The following NSUN4 variants were observed in gnomAD, a reference collection of about 807,000 sequenced individuals.
NSUN4 encodes the protein 5-cytosine rRNA methyltransferase NSUN4.
In NSUN4, 31 loss-of-function variants were observed where a neutral mutation model predicts 43.8. The observed-to-expected ratio is 0.71, with a 90% CI of 0.53 to 0.96. The LOEUF is 0.96. Among genes scored for constraint, NSUN4 ranks in the 40% least tolerant of loss-of-function variants. The pLI is 0.00. For missense variants in NSUN4, 439 were observed against 475.6 expected (o/e 0.92, Z 0.72); for synonymous variants, 167 against 184.1 (o/e 0.91, Z 0.75).
downstream of NSUN4, among the ~76,000 whole-genome samples, chr1:46,367,989 T>G (rs1176051595): frequency 1.3e-5 from 2 of 152,098 alleles, no homozygotes; most frequent in African/African-American, 4.8e-5. Context: ...GGTCTTGAAC[T>G]CTTGAGCTCA....
rs996962319 is a variant in NSUN4, at chr1:46,361,797, T to A, written c.1106T>A (p.Met369Lys). ...QVGELVIPNL[M>K]ANFGPMYFCK... is the part of the protein sequence containing the mutation. ...GGGGAGCTGGTAATACCAAACCTCA[T>A]GGCCAATTTTGGCCCCATGTACTTC... The change falls in exon 6 of 6, where the codon ATG (methionine) becomes AAG (lysine). Residue 369 changes from methionine (M) to lysine (K), a missense_variant. Coordinates refer to ENST00000474844, the MANE Select transcript of NSUN4 (RefSeq NM_199044.4). 1.2e-6 allele frequency: 2 copies of A among 1,614,182 alleles called. No individual in the cohort carries two copies. Among genetic ancestry groups the A allele is most frequent in the East Asian group, 2.2e-5 (1 of 44,878 alleles).
At chr1:46,354,807 T>G (rs1220638765) in intron 4 of NSUN4, among the ~76,000 whole-genome samples, 5 of 152,086 alleles carry the variant, frequency 3.3e-5, no homozygotes, top group Admixed American at 3.3e-4. Context: ...GCAGCTGGGA[T>G]TACAGGTGTG....
chr1:46,351,570 C>G (rs1662982420), intron 3 of NSUN4, among the ~76,000 whole-genome samples: 1 of 148,802 alleles, frequency 6.7e-6, no homozygotes, highest in African/African-American at 2.5e-5. Context: ...CCACACCCAT[C>G]ATCCCAGCAC....
In NSUN4 at chr1:46,359,731, T is replaced by G. The variant is rs193300677; in HGVS notation, c.754-973T>G. 1.5e-3 allele frequency among the ~76,000 whole-genome samples: 215 copies of G among 148,270 alleles called. 2 individuals are homozygous for G. The East Asian group carries it at 0.041, about 28-fold the overall frequency. ...ATGCCTGGCTAGTTTTTAAATTTTTTGTAGCTGGGACTACAGGTGCATGCC... is the reference window on the plus strand; with the variant it reads ...ATGCCTGGCTAGTTTTTAAATTTTTGGTAGCTGGGACTACAGGTGCATGCC... On this transcript the variant is annotated intron_variant, in intron 4 of 5. Transcript: ENST00000474844.
In NSUN4 at chr1:46,361,955, C is replaced by G. The variant is rs551591666; in HGVS notation, c.*109C>G. ...GATGCACTCTCGGTCCTGTCTCCAT[C>G]CTGTTCGTGTCTTTCTGCAGTTTTC... is the stretch of plus-strand genomic sequence containing the variant. On this transcript the variant is annotated 3_prime_UTR_variant, in exon 6 of 6. Coordinates refer to ENST00000474844, the MANE Select transcript of NSUN4 (RefSeq NM_199044.4). 1 of 1,007,688 alleles carries G rather than the reference C, an allele frequency of 9.9e-7. No individual in the cohort carries two copies. Among genetic ancestry groups the G allele is most frequent in the African/African-American group, 1.6e-5 (1 of 61,894 alleles). 62.4% of individuals were successfully genotyped at this position (1,007,688 alleles called of 1,614,324 possible).
chr1:46,344,110 T>C (rs41294456), intron 1 of NSUN4: 47,928 of 217,984 alleles, frequency 0.22, 6,011 homozygotes, highest in Non-Finnish European at 0.27. Context: ...TCTGCCTCCT[T>C]GTTCTTGTCC....
At chr1:46,356,475 G>A (rs112124254) in intron 4 of NSUN4, among the ~76,000 whole-genome samples, 32,337 of 151,858 alleles carry the variant, frequency 0.21, 4,026 homozygotes, top group Non-Finnish European at 0.29. Context: ...GGCGGATCAC[G>A]AGGTCAGGAG....
chr1:46,345,138 C>T lies in NSUN4; in HGVS notation c.431C>T (p.Pro144Leu), dbSNP rs1187871967. ...AGAGGGGATATCAGTCGCTTCCCTCCTGCCAGGTAGGATCTGGAGCCATGA... is the reference window on the plus strand; with the variant it reads ...AGAGGGGATATCAGTCGCTTCCCTCTTGCCAGGTAGGATCTGGAGCCATGA... ...FDRGDISRFPPARPGSLGVME... is the reference protein window; with the variant it reads ...FDRGDISRFPLARPGSLGVME... Residue 144 changes from proline (P) to leucine (L), a missense_variant, in exon 2 of 6, where the codon CCT becomes CTT. Coordinates refer to ENST00000474844, the MANE Select transcript of NSUN4 (RefSeq NM_199044.4). The T allele has an allele frequency of 2.5e-6, 4 of 1,600,234 alleles. No homozygotes were observed. In the Admixed American group the frequency reaches 6.7e-5, roughly 27 times the overall value.
chr1:46,374,103 A>G, the NSUN4 span, among the ~76,000 whole-genome samples: 1 of 152,010 alleles, frequency 6.6e-6, no homozygotes, highest in Non-Finnish European at 1.5e-5. Flanking sequence ...CTTGCGCAAC[A>G]CGGTGAAACC....
At chr1:46,341,930 C>T (rs1033644267) in intron 1 of NSUN4, 8 of 1,232,884 alleles carry the variant, frequency 6.5e-6, no homozygotes, top group African/African-American at 1.6e-5. Flanking sequence ...CTTTTGGAAC[C>T]AGCCCGGCAA....
the NSUN4 span, among the ~76,000 whole-genome samples, chr1:46,371,227 A>G: frequency 6.7e-6 from 1 of 150,004 alleles, no homozygotes; most frequent in African/African-American, 2.5e-5. Flanking sequence ...TCCCAGGTTC[A>G]AGCAATTATC....
In NSUN4 at chr1:46,363,434, T is replaced by C. The variant is rs1043295989; in HGVS notation, c.*1588T>C. On this transcript the variant is annotated 3_prime_UTR_variant, in exon 6 of 6. Transcript: ENST00000474844. The stretch of plus-strand genomic sequence containing the variant: ...TCCTGGATATCCAGCCTAGTGCTAA[T>C]TGAATGCTAAGCAGTGGTAATTCAA... The C allele has an allele frequency of 6.6e-6, 1 of 152,258 alleles. No homozygotes were observed. The highest frequency in any genetic ancestry group is 2.4e-5 in the African/African-American group (1 of 41,466). The allele number at this position is 152,258 out of a possible 1,614,324, so 9.4% of individuals were successfully genotyped here.
chr1:46,350,861 G>C (rs1298997988), intron 3 of NSUN4, among the ~76,000 whole-genome samples: 1 of 152,166 alleles, frequency 6.6e-6, no homozygotes, highest in African/African-American at 2.4e-5. Context: ...AACTAGTAAA[G>C]CTCTAAGGCA....
intron 4 of NSUN4, among the ~76,000 whole-genome samples, chr1:46,356,064 T>C (rs1324022501): frequency 1.3e-5 from 2 of 151,736 alleles, no homozygotes; most frequent in Non-Finnish European, 2.9e-5. Flanking sequence ...GGTAGGCAAG[T>C]GTTAAGCACT....
At chr1:46,344,277 G>C in intron 1 of NSUN4, 1 of 159,110 alleles carries the variant, frequency 6.3e-6, no homozygotes, top group East Asian at 1.8e-4. Context: ...GGTGGTGCTA[G>C]TCACTGTGTG....
At chr1:46,373,944 G>A in the NSUN4 span, among the ~76,000 whole-genome samples, 1 of 151,876 alleles carries the variant, frequency 6.6e-6, no homozygotes, top group Non-Finnish European at 1.5e-5. Context: ...GGATGGATGG[G>A]GGTGGGGAGA....
chr1:46,343,963 G>A (rs1429495876), intron 1 of NSUN4: 4 of 395,318 alleles, frequency 1.0e-5, no homozygotes, highest in Non-Finnish European at 1.8e-5. Context: ...CAGAGCAAAA[G>A]TTCTGACCAG....
At chr1:46,345,922 G>C (rs546847389) in intron 2 of NSUN4, among the ~76,000 whole-genome samples, 10 of 152,204 alleles carry the variant, frequency 6.6e-5, no homozygotes, top group Non-Finnish European at 1.3e-4. Context: ...GGCTGAGGCG[G>C]GCGGATTGCC....
At chr1:46,356,360 C>T (rs1053794116) in intron 4 of NSUN4, among the ~76,000 whole-genome samples, 1 of 150,780 alleles carries the variant, frequency 6.6e-6, no homozygotes, top group African/African-American at 2.4e-5. Flanking sequence ...TGTGAGCCAC[C>T]GTGCCCAGCC....
Sources: gnomAD v4.1 joint callset for allele counts (sites outside exome capture counted in the v4.1 genomes callset) on GRCh38, gnomAD v4.1.1 for gene constraint, MANE v1.5 for transcripts, NCBI Gene and HGNC (gene_info 2026-07-23, HGNC 2026-07-21) for gene names.